Variants in BCL2L1 observed in about 807,000 individuals in gnomAD.
The protein encoded by BCL2L1 is BCL2 like 1, also known as bcl-2-like protein 1.
Under a neutral mutation model 18.7 loss-of-function variants are expected in BCL2L1, and 1 was observed. The observed-to-expected ratio is 0.05, with a 90% CI of 0.02 to 0.25. The LOEUF (loss-of-function observed/expected upper bound fraction) is 0.25, where lower values mean the gene tolerates loss of function less well. BCL2L1 is among the 10% of genes least tolerant of loss of function. The pLI is 1.00. For missense variants in BCL2L1, 207 were observed against 304.9 expected, an observed-to-expected ratio of 0.68 and a Z score of 2.39; for synonymous variants, 103 against 122.7, an observed-to-expected ratio of 0.84 and a Z score of 1.06.
At chr20:31,714,301 C>T (rs1600922939) in intron 2 of BCL2L1, among the ~76,000 whole-genome samples, 1 of 152,300 alleles carries the variant, frequency 6.6e-6, no homozygotes, top group South Asian at 2.1e-4. Flanking sequence ...CAAGGTGAGA[C>T]TGAGAGTAGA....
At chr20:31,702,156 A>G (rs1412758973) in intron 2 of BCL2L1, among the ~76,000 whole-genome samples, 1 of 152,204 alleles carries the variant, frequency 6.6e-6, no homozygotes, top group African/African-American at 2.4e-5. Context: ...TCAGAAAGGA[A>G]ATACTAGGGG....
chr20:31,688,678 A>G (rs1036222304), intron 2 of BCL2L1, among the ~76,000 whole-genome samples: 22 of 152,052 alleles, frequency 1.4e-4, no homozygotes, highest in African/African-American at 5.1e-4. Flanking sequence ...TCCCCCCCAG[A>G]TATACTGTAT....
chr20:31,679,968 A>G (rs539699067), intron 2 of BCL2L1, among the ~76,000 whole-genome samples: 90 of 152,342 alleles, frequency 5.9e-4, no homozygotes, highest in Middle Eastern at 6.8e-3. Flanking sequence ...GGCATGAGCC[A>G]CTGCACCCAG....
At chr20:31,723,269 C>T (rs1045518861), upstream of BCL2L1, 17 of 985,632 alleles carry the variant, frequency 1.7e-5, no homozygotes, top group Non-Finnish European at 1.9e-5. Flanking sequence ...TTGCCGGGTC[C>T]TCCATTCCCC....
chr20:31,693,165 A>T (rs2061110956), intron 2 of BCL2L1, among the ~76,000 whole-genome samples: 2 of 81,318 alleles, frequency 2.5e-5, no homozygotes, highest in Non-Finnish European at 4.6e-5. Flanking sequence ...GTAAAACTTA[A>T]AAAAAAAAAA....
Position 31,686,324 on chromosome 20 carries a change from G to A in BCL2L1, c.565-20238C>T, listed in dbSNP as rs1764742960. 2.0e-5 allele frequency: 3 copies of A among 152,200 alleles called. No individual in the cohort carries two copies. The South Asian group carries it at 6.2e-4, about 31-fold the overall frequency. The allele number at this position is 152,200 out of a possible 1,614,324, so 9.4% of individuals were successfully genotyped here. ...CTGTGTTCTTCCCAGTAGAGATGTG[G>A]ATGCAGCACAAATGGTAGAAAGGAC... On this transcript the variant is annotated intron_variant, in intron 2 of 2. Coordinates refer to ENST00000307677, the MANE Select transcript of BCL2L1 (RefSeq NM_138578.3).
At chr20:31,672,924 C>T (rs1258081234) in intron 2 of BCL2L1, among the ~76,000 whole-genome samples, 2 of 151,902 alleles carry the variant, frequency 1.3e-5, no homozygotes, top group Non-Finnish European at 2.9e-5. Flanking sequence ...AGGGTGGTTT[C>T]AAACTCCTGG....
chr20:31,666,443 G>A (rs548148757), intron 2 of BCL2L1, among the ~76,000 whole-genome samples: 16 of 152,230 alleles, frequency 1.1e-4, no homozygotes, highest in African/African-American at 3.9e-4. Context: ...GCATGGGGGA[G>A]ATGATGGTGC....
intron 2 of BCL2L1, among the ~76,000 whole-genome samples, chr20:31,692,329 A>G (rs1333024519): frequency 6.6e-6 from 1 of 152,278 alleles, no homozygotes; most frequent in Non-Finnish European, 1.5e-5. Flanking sequence ...AACCACTGAC[A>G]GCAGAATGGA....
At chr20:31,683,769 CAAAAAAAAAAAAAAAAAAAAAAAAAAAA>C (rs372160646) in intron 2 of BCL2L1, among the ~76,000 whole-genome samples, 11 of 80,656 alleles carry the variant, frequency 1.4e-4, no homozygotes, top group African/African-American at 1.6e-4. Flanking sequence ...AACTCCATCT[CAAAAAAAAAAAAAAAAAAAAAAAAAAAA>C]AAAAAAAAAA....
In BCL2L1 at chr20:31,690,573, AT is replaced by A. The variant is rs112840835; in HGVS notation, c.565-24488del. On this transcript the variant is annotated intron_variant, in intron 2 of 2. Coordinates refer to ENST00000307677, the MANE Select transcript of BCL2L1 (RefSeq NM_138578.3). ...AAATCCCACACACAGGTCAGTATGT[AT>A]TTTTTTTTTTTTTGCAGACAGAGTC... Among the ~76,000 whole-genome samples, 978 of 141,342 alleles carry A rather than the reference AT, an allele frequency of 6.9e-3. 1 individual carries two copies. Among genetic ancestry groups the A allele is most frequent in the African/African-American group, 0.012 (468 of 38,526 alleles). 92.7% of individuals were successfully genotyped at this position (141,342 alleles called of 152,430 possible). A position where few individuals can be genotyped will look rare whatever the true frequency, so the allele number is the denominator to read the frequency against.
Position 31,721,723 on chromosome 20 carries a change from T to A in BCL2L1, c.496A>T (p.Ile166Phe), listed in dbSNP as rs2122871779. 1 of 1,614,132 alleles carries A rather than the reference T, an allele frequency of 6.2e-7. No homozygotes were observed. Among genetic ancestry groups the A allele is most frequent in the South Asian group, 1.1e-5 (1 of 91,082 alleles). The change falls in exon 2 of 3, where the codon ATC becomes TTC. Residue 166 changes from isoleucine (I) to phenylalanine (F), a missense_variant. By Grantham distance (21) the Ile-to-Phe change is conservative. Transcript: ENST00000307677. Reference sequence around the variant, plus strand: ...AGGTAAGTGGCCATCCAAGCTGCGATCCGACTCACCAATACCTGCATCTCC... The same window carrying A: ...AGGTAAGTGGCCATCCAAGCTGCGAACCGACTCACCAATACCTGCATCTCC... ...DKEMQVLVSR[I>F]AAWMATYLND... is the part of the protein sequence containing the mutation.
At chr20:31,720,142 C>T (rs2061599276) in intron 2 of BCL2L1, 5 of 985,446 alleles carry the variant, frequency 5.1e-6, no homozygotes, top group Non-Finnish European at 6.0e-6. Flanking sequence ...CCCCAGTTAT[C>T]TGACCTCTAT....
At chr20:31,723,364 G>T, upstream of BCL2L1, 1 of 985,498 alleles carries the variant, frequency 1.0e-6, no homozygotes, top group Non-Finnish European at 1.2e-6. Context: ...AGGAAGAGGG[G>T]TCGAGGCCTG....
At chr20:31,708,844 G>A (rs1274056294) in intron 2 of BCL2L1, among the ~76,000 whole-genome samples, 1 of 152,198 alleles carries the variant, frequency 6.6e-6, no homozygotes, top group Non-Finnish European at 1.5e-5. Flanking sequence ...ACCCTTCCTG[G>A]CATTGTCACT....
intron 2 of BCL2L1, among the ~76,000 whole-genome samples, chr20:31,712,388 G>A (rs2061467810): frequency 6.6e-6 from 1 of 152,244 alleles, no homozygotes; most frequent in African/African-American, 2.4e-5. Context: ...CTACTTCAGA[G>A]TGCTGCTGTG....
At chr20:31,698,989 G>A (rs2061235745) in intron 2 of BCL2L1, among the ~76,000 whole-genome samples, 1 of 152,116 alleles carries the variant, frequency 6.6e-6, no homozygotes, top group Admixed American at 6.6e-5. Context: ...CACAAATAAC[G>A]TTTTGTTTAC....
chr20:31,713,563 G>C (rs966785811), intron 2 of BCL2L1: 2 of 985,316 alleles, frequency 2.0e-6, no homozygotes, highest in Non-Finnish European at 2.4e-6. Flanking sequence ...AAGCTGTGTG[G>C]CTCAGAGTTC....
intron 2 of BCL2L1, among the ~76,000 whole-genome samples, chr20:31,718,251 C>T (rs973076835): frequency 3.3e-5 from 5 of 152,182 alleles, no homozygotes; most frequent in African/African-American, 9.7e-5. Context: ...ACTTTCAGTC[C>T]TTGAAGCATC....
Sources: allele counts gnomAD v4.1 joint callset (sites outside exome capture counted in the v4.1 genomes callset), GRCh38; gene constraint gnomAD v4.1.1; transcripts MANE v1.5; gene names NCBI Gene and HGNC (gene_info 2026-07-23, HGNC 2026-07-21).